Variants in TANC2 observed in about 807,000 individuals in gnomAD.
TANC2 encodes protein TANC2.
Under a neutral mutation model 210.5 loss-of-function variants are expected in TANC2, and 26 were observed. The ratio of observed to expected loss-of-function variants is 0.12; its 90% confidence interval spans 0.09 to 0.17. The LOEUF is 0.17. Ranked by LOEUF, TANC2 falls within the 10% of genes least tolerant of loss-of-function variation. The pLI is 1.00. For missense variants in TANC2, 2,129 were observed against 2,608.9 expected, an observed-to-expected ratio of 0.82 and a Z score of 4.01; for synonymous variants, 931 against 967.1, an observed-to-expected ratio of 0.96 and a Z score of 0.69.
intron 16 of TANC2, among the ~76,000 whole-genome samples, 195 bp from the exon 17 acceptor site, chr17:63,389,113 A>G (rs1442201876): frequency 6.6e-6 from 1 of 152,212 alleles, no homozygotes; most frequent in Admixed American, 6.5e-5. Flanking sequence ...TCTAGTTACT[A>G]TGCCATTTAT....
chr17:63,354,711 C>T (rs992830313), intron 13 of TANC2, 72 bp from the exon 14 acceptor site: 2 of 1,504,968 alleles, frequency 1.3e-6, no homozygotes, highest in African/African-American at 2.8e-5. Flanking sequence ...ATTTGTGAAC[C>T]TCATAGTTTA....
At chr17:63,388,279 C>T (rs566595811) in intron 15 of TANC2, among the ~76,000 whole-genome samples, 26 of 152,130 alleles carry the variant, frequency 1.7e-4, no homozygotes, top group African/African-American at 6.3e-4. Flanking sequence ...AATGGAAATC[C>T]GTGATCACAT....
chr17:63,410,088 A>G (rs1319588680), intron 21 of TANC2, among the ~76,000 whole-genome samples: 5 of 152,210 alleles, frequency 3.3e-5, no homozygotes, highest in Non-Finnish European at 7.3e-5. Flanking sequence ...GTATATGTAT[A>G]CATTGTGGAA....
chr17:63,103,636 C>G (rs576371366), intron 4 of TANC2, among the ~76,000 whole-genome samples: 1 of 152,172 alleles, frequency 6.6e-6, no homozygotes, highest in East Asian at 1.9e-4. Flanking sequence ...TTGTTTTATA[C>G]TTTTTAAAAA....
chr17:63,226,015 CTT>C (rs1347817021), intron 7 of TANC2, among the ~76,000 whole-genome samples: 1 of 152,168 alleles, frequency 6.6e-6, no homozygotes, highest in Admixed American at 6.5e-5. Context: ...AAATATCACA[CTT>C]GTCACCACCT....
chr17:63,330,796 C>T (rs2045813190), intron 11 of TANC2, among the ~76,000 whole-genome samples: 1 of 152,122 alleles, frequency 6.6e-6, no homozygotes, highest in Admixed American at 6.5e-5. Flanking sequence ...AAAATGTAGG[C>T]GGAGCGCGGT....
intron 9 of TANC2, among the ~76,000 whole-genome samples, chr17:63,309,564 A>G (rs1171267139): frequency 2.6e-5 from 4 of 152,194 alleles, no homozygotes; most frequent in Non-Finnish European, 5.9e-5. Flanking sequence ...ATCTGCTAAG[A>G]TGAAATAATT....
rs987148166 is a variant in TANC2 at position 63,351,286 on chromosome 17, T to C, written c.1844T>C (p.Ile615Thr). The C allele has an allele frequency of 3.7e-6, 6 of 1,608,492 alleles. No homozygotes were observed. The highest frequency in any genetic ancestry group is 1.7e-5 in the Admixed American group (1 of 58,846). The change falls in exon 13 of 28, where the codon ATT becomes ACT. Residue 615 changes from isoleucine to threonine, a missense_variant. Transcript: ENST00000689528. ...CCAGATGAAGATTTCATCATTTTAA[T>C]TGATGGATTAAATGAAGCAGAATTT...
intron 8 of TANC2, among the ~76,000 whole-genome samples, chr17:63,246,926 A>G (rs2042935067): frequency 6.6e-6 from 1 of 152,132 alleles, no homozygotes; most frequent in South Asian, 2.1e-4. Context: ...TTGCATTCCC[A>G]CCGGCAGTGT....
intron 7 of TANC2, among the ~76,000 whole-genome samples, chr17:63,233,239 G>C (rs2042529345): frequency 6.8e-6 from 1 of 145,996 alleles, no homozygotes. Flanking sequence ...GGTAGTCTTA[G>C]GCAGTTTCCA....
At chr17:63,219,445 T>C (rs962451988) in intron 7 of TANC2, among the ~76,000 whole-genome samples, 7 of 151,898 alleles carry the variant, frequency 4.6e-5, no homozygotes, top group African/African-American at 1.7e-4. Flanking sequence ...TAAGAAAAAG[T>C]TTTTCAATTC....
intron 11 of TANC2, among the ~76,000 whole-genome samples, chr17:63,328,687 T>TA (rs1350880905): frequency 2.0e-5 from 3 of 150,668 alleles, no homozygotes; most frequent in Non-Finnish European, 4.4e-5. Context: ...CAACAACTTC[T>TA]CCCTTGTACA....
exon 28 of TANC2, chr17:63,422,159 T>G (rs1236733194): frequency 1.7e-6 from 1 of 575,864 alleles, no homozygotes; most frequent in Non-Finnish European, 3.0e-6. Context: ...TTCTCTTGTC[T>G]GTGCCCAGCC....
At chr17:63,109,889 A>G (rs966418895) in intron 4 of TANC2, among the ~76,000 whole-genome samples, 1 of 151,710 alleles carries the variant, frequency 6.6e-6, no homozygotes, top group Non-Finnish European at 1.5e-5. Flanking sequence ...ACTATACGAC[A>G]TAAATTAACC....
chr17:63,232,605 G>A (rs2042506796), intron 7 of TANC2, among the ~76,000 whole-genome samples: 1 of 152,242 alleles, frequency 6.6e-6, no homozygotes, highest in African/African-American at 2.4e-5. Flanking sequence ...CTGCAGAACA[G>A]CAAAGATGGC....
At position 62,966,272 on chromosome 17, in the gene TANC2, T is replaced by TG. The variant is rs1360763077; in HGVS notation, c.-498dup. Among the ~76,000 whole-genome samples the TG allele has an allele frequency of 6.9e-6, 1 of 145,806 alleles. No individual in the cohort carries two copies. The highest frequency in any genetic ancestry group is 2.0e-4 in the East Asian group (1 of 4,996). ...GAGCGGCCGGCGGGGCGCGGGTTGCTGGGCGCGCTGCTCCGGCGGGGCCCG... is the reference window on the plus strand; with the variant it reads ...GAGCGGCCGGCGGGGCGCGGGTTGCTGGGGCGCGCTGCTCCGGCGGGGCCCG... On this transcript the variant is annotated 5_prime_UTR_variant, in exon 1 of 28. Transcript: ENST00000689528. The surrounding 1 kb of genome is among the most constrained non-coding windows in gnomAD (Gnocchi z 5.1).
chr17:63,384,792 G>T (rs1162497471), intron 15 of TANC2, among the ~76,000 whole-genome samples: 1 of 152,134 alleles, frequency 6.6e-6, no homozygotes, highest in Admixed American at 6.5e-5. Flanking sequence ...GATTAAAAAG[G>T]ACAATTTTGG....
intron 4 of TANC2, among the ~76,000 whole-genome samples, chr17:63,103,868 G>A (rs2037724630): frequency 1.3e-5 from 2 of 152,028 alleles, no homozygotes; most frequent in African/African-American, 2.4e-5. Context: ...TTTTGTCACT[G>A]GTGTCTCCAC....
chr17:62,980,465 G>A (rs1401203374), intron 1 of TANC2, among the ~76,000 whole-genome samples: 2 of 152,178 alleles, frequency 1.3e-5, no homozygotes, highest in East Asian at 3.9e-4. Context: ...TTTCAGATTT[G>A]GGATGCTCTG....
Sources: allele counts gnomAD v4.1 joint callset (sites outside exome capture counted in the v4.1 genomes callset), GRCh38; gene constraint gnomAD v4.1.1; non-coding constraint Gnocchi (gnomAD v3.1); transcripts MANE v1.5; gene names NCBI Gene and HGNC (gene_info 2026-07-23, HGNC 2026-07-21).